Variants in TANK observed in about 807,000 individuals in gnomAD.
TANK encodes the protein TRAF family member-associated NF-kappa-B activator.
In TANK, 15 loss-of-function variants were observed where a neutral mutation model predicts 43.6. The ratio of observed to expected loss-of-function variants is 0.34; its 90% CI spans 0.23 to 0.53. The LOEUF (loss-of-function observed/expected upper bound fraction) is 0.53, where lower values mean the gene tolerates loss of function less well. Among genes scored for constraint, TANK ranks in the 20% least tolerant of loss-of-function variants. The pLI is 0.94. For missense variants in TANK, 417 were observed against 498.6 expected (o/e 0.84, Z 1.56); for synonymous variants, 162 against 178.2 (o/e 0.91, Z 0.73).
chr2:161,204,605 T>A, intron 3 of TANK, 70 bp from the exon 4 acceptor site: 1 of 1,411,294 alleles, frequency 7.1e-7, no homozygotes, highest in Non-Finnish European at 9.7e-7. Context: ...TTTGTATTAT[T>A]TTTTGCTTTT....
intron 1 of TANK, among the ~76,000 whole-genome samples, chr2:161,178,456 C>T (rs1301498337): frequency 1.3e-5 from 2 of 148,692 alleles, no homozygotes; most frequent in African/African-American, 2.5e-5. Context: ...TAGACAAATT[C>T]GTAGAGACAA....
chr2:161,180,142 T>A, intron 2 of TANK: 1 of 987,004 alleles, frequency 1.0e-6, no homozygotes, highest in Non-Finnish European at 1.2e-6. Flanking sequence ...GTTATTTGGC[T>A]GACAGGAAAA....
At chr2:161,173,079 T>C (rs1404016927) in intron 1 of TANK, among the ~76,000 whole-genome samples, 1 of 152,162 alleles carries the variant, frequency 6.6e-6, no homozygotes, top group African/African-American at 2.4e-5. Flanking sequence ...AGGTCTACTA[T>C]AGTCTAGCCA....
intron 1 of TANK, chr2:161,139,883 G>T (rs1683693093): frequency 1.0e-6 from 1 of 985,216 alleles, no homozygotes; most frequent in South Asian, 4.7e-5. Flanking sequence ...CCGCAATTTA[G>T]TTACAACTGT....
chr2:161,199,397 A>G (rs1686303040), intron 2 of TANK, among the ~76,000 whole-genome samples: 2 of 152,142 alleles, frequency 1.3e-5, no homozygotes, highest in South Asian at 4.1e-4. Context: ...AAGGGCACTT[A>G]AACTTTTTTT....
At chr2:161,209,050 A>G (rs1303717716) in intron 4 of TANK, among the ~76,000 whole-genome samples, 1 of 152,214 alleles carries the variant, frequency 6.6e-6, no homozygotes, top group Non-Finnish European at 1.5e-5. Flanking sequence ...AATATTGATG[A>G]AACGTAAGGG....
chr2:161,233,002 A>T lies in TANK; in HGVS notation c.1101+1451A>T, dbSNP rs181567037. The T allele has an allele frequency of 5.0e-4, 405 of 802,564 alleles. 1 individual carries two copies. Among genetic ancestry groups the T allele is most frequent in the African/African-American group, 1.7e-3 (98 of 57,948 alleles). The allele number at this position is 802,564 out of a possible 1,614,324, so 49.7% of individuals were successfully genotyped here. On this transcript the variant is annotated intron_variant, in intron 7 of 7. Coordinates refer to ENST00000392749, the MANE Select transcript of TANK (RefSeq NM_001199135.3). ...GAATATTTCTTAAAATGAGTTTTTT[A>T]AAAAAAACCTTTTAAGCTATTTTAT...
upstream of TANK, among the ~76,000 whole-genome samples, chr2:161,158,834 G>T (rs146890208): frequency 2.4e-3 from 361 of 152,250 alleles, 2 homozygotes; most frequent in African/African-American, 8.2e-3. Context: ...AAAATACAAA[G>T]AACACTTAAA....
intron 1 of TANK, among the ~76,000 whole-genome samples, chr2:161,151,224 C>T (rs577148522): frequency 3.3e-5 from 5 of 152,226 alleles, no homozygotes; most frequent in South Asian, 4.2e-4. Context: ...ATTTCATATC[C>T]ACTTGAGAAG....
At chr2:161,202,563 A>G (rs1324148046) in intron 2 of TANK, among the ~76,000 whole-genome samples, 2 of 152,148 alleles carry the variant, frequency 1.3e-5, no homozygotes, top group African/African-American at 4.8e-5. Context: ...CTAATTTTGA[A>G]CTTTAAGAAT....
At chr2:161,187,720 A>G (rs966145123) in intron 2 of TANK, among the ~76,000 whole-genome samples, 1 of 152,196 alleles carries the variant, frequency 6.6e-6, no homozygotes, top group Non-Finnish European at 1.5e-5. Context: ...ATTGTAGAGC[A>G]GTTGGACCTA....
chr2:161,178,978 G>A (rs143209526), intron 1 of TANK, among the ~76,000 whole-genome samples: 25 of 152,250 alleles, frequency 1.6e-4, no homozygotes, highest in African/African-American at 5.5e-4. Context: ...CCTCCACTGA[G>A]CAAATCACCT....
Position 161,224,741 on chromosome 2 carries a change from C to T in TANK, c.515C>T (p.Ala172Val). The change falls in exon 6 of 8, where the codon GCA (alanine) becomes GTA (valine). Residue 172 changes from alanine (A) to valine (V), a missense_variant. Physicochemically the swap from Ala to Val is moderately conservative, Grantham distance 64 (BLOSUM62 0). Transcript: ENST00000392749. ...AGCAAACTTAATATACCAGACACTG[C>T]AACTGGTAAGATTTAATTTAATTTA... ...HLSKLNIPDT[A>V]TETQCSVPIQ... The T allele has an allele frequency of 2.7e-6, 4 of 1,482,466 alleles. No homozygotes were observed. Among genetic ancestry groups the T allele is most frequent in the Non-Finnish European group, 3.7e-6 (4 of 1,094,434 alleles). The allele number at this position is 1,482,466 out of a possible 1,614,324, so 91.8% of individuals were successfully genotyped here. A position where few individuals can be genotyped will look rare whatever the true frequency, so the allele number is the denominator to read the frequency against.
chr2:161,189,664 A>C (rs1380411399), intron 2 of TANK, among the ~76,000 whole-genome samples: 1 of 152,212 alleles, frequency 6.6e-6, no homozygotes, highest in Non-Finnish European at 1.5e-5. Context: ...CCCAAAAAAA[A>C]CCCACCTGTT....
rs907603547 is a variant in TANK, at chr2:161,223,560, A to AT, written c.328-348dup. The AT allele has an allele frequency of 1.9e-5, 3 of 159,910 alleles. 1 individual carries two copies. Among genetic ancestry groups the AT allele is most frequent in the Non-Finnish European group, 4.1e-5 (3 of 73,350 alleles). 9.9% of individuals were successfully genotyped at this position (159,910 alleles called of 1,614,324 possible). On this transcript the variant is annotated intron_variant, in intron 4 of 7. Coordinates refer to ENST00000392749, the MANE Select transcript of TANK (RefSeq NM_001199135.3). ...AATATCAAAAGAAGTAGACACATAG[A>AT]TTTTTTTCCCCCTAAGTTTCTGAGC...
At chr2:161,162,184 G>A (rs561884282) in intron 1 of TANK, among the ~76,000 whole-genome samples, 8 of 151,860 alleles carry the variant, frequency 5.3e-5, no homozygotes, top group Non-Finnish European at 1.2e-4. Flanking sequence ...CTGTTGCTTT[G>A]ATCTTTTTGT....
rs773368635 is a variant in TANK, at chr2:161,203,558, G to A, written c.171G>A (p.Lys57=). ...QLSLQQTIID[K]LKSQLLLVNS... ...CACTTCAACAGACTATTATTGACAA[G>A]CTAAAATCTCAGTTACTTCTTGTGA... The change falls in exon 3 of 8, where the codon AAG becomes AAA. Residue 57 remains lysine, a synonymous_variant. Transcript: ENST00000392749. 1 of 1,611,704 alleles carries A rather than the reference G, an allele frequency of 6.2e-7. No homozygotes were observed. The highest frequency in any genetic ancestry group is 1.7e-5 in the Admixed American group (1 of 59,386).
chr2:161,219,543 C>T (rs937554023), intron 4 of TANK, among the ~76,000 whole-genome samples: 9 of 151,958 alleles, frequency 5.9e-5, no homozygotes, highest in African/African-American at 1.2e-4. Context: ...TTTATATGGC[C>T]GTAAGTTCTT....
At chr2:161,210,870 G>T (rs1686858979) in intron 4 of TANK, among the ~76,000 whole-genome samples, 1 of 152,072 alleles carries the variant, frequency 6.6e-6, no homozygotes, top group South Asian at 2.1e-4. Flanking sequence ...CCTTTATCTT[G>T]GTTATGTGTG....
Sources: gnomAD v4.1 joint callset for allele counts (sites outside exome capture counted in the v4.1 genomes callset) on GRCh38, gnomAD v4.1.1 for gene constraint, MANE v1.5 for transcripts, NCBI Gene and HGNC (gene_info 2026-07-23, HGNC 2026-07-21) for gene names.